The following MICU2 variants were observed in gnomAD, a reference collection of about 807,000 sequenced individuals.
MICU2 encodes mitochondrial calcium uptake 2.
MICU2 carries 64 observed loss-of-function variants against 60.4 expected under a neutral mutation model. The observed-to-expected ratio is 1.06, with a 90% CI of 0.87 to 1.31. MICU2 has a LOEUF of 1.31. Among genes scored for constraint, MICU2 ranks in the 50% most tolerant of loss-of-function variants. MICU2 has a pLI of 0.00. For missense variants in MICU2, 569 were observed against 531.0 expected, an observed-to-expected ratio of 1.07 and a Z score of -0.70; for synonymous variants, 201 against 175.0, an observed-to-expected ratio of 1.15 and a Z score of -1.17.
chr13:21,570,610 C>A (rs1386215933), intron 1 of MICU2, among the ~76,000 whole-genome samples: 3 of 152,192 alleles, frequency 2.0e-5, no homozygotes, highest in Non-Finnish European at 4.4e-5. Context: ...CAACTAAACT[C>A]TTGAAGCATA....
intron 1 of MICU2, among the ~76,000 whole-genome samples, chr13:21,583,743 A>C (rs1392574424): frequency 6.6e-6 from 1 of 152,244 alleles, no homozygotes; most frequent in Non-Finnish European, 1.5e-5. Context: ...CAAGCATTCC[A>C]GAACTTCCCA....
intron 8 of MICU2, 126 bp from the exon 9 acceptor site, chr13:21,503,223 G>T: frequency 1.5e-6 from 1 of 660,844 alleles, no homozygotes; most frequent in Middle Eastern, 4.2e-4. Context: ...TAAGCAGGAT[G>T]AAGCATTAGT....
intron 4 of MICU2, among the ~76,000 whole-genome samples, chr13:21,536,217 T>C (rs1229464698): frequency 5.9e-5 from 9 of 152,072 alleles, no homozygotes; most frequent in East Asian, 1.9e-4. Context: ...TGTACAGAAA[T>C]AGATATTTAT....
chr13:21,522,333 A>T (rs1886738990), intron 5 of MICU2, among the ~76,000 whole-genome samples: 1 of 152,200 alleles, frequency 6.6e-6, no homozygotes, highest in Non-Finnish European at 1.5e-5. Flanking sequence ...AATGTCAGAT[A>T]AGCATTTTTA....
chr13:21,537,868 T>C (rs1482525111), intron 4 of MICU2, among the ~76,000 whole-genome samples: 1 of 152,210 alleles, frequency 6.6e-6, no homozygotes, highest in Admixed American at 6.5e-5. Context: ...CTGCATAAAA[T>C]GCTCATTTGT....
chr13:21,494,162 T>C (rs1199940), intron 11 of MICU2, among the ~76,000 whole-genome samples: 188 of 152,362 alleles, frequency 1.2e-3, no homozygotes, highest in African/African-American at 4.2e-3. Flanking sequence ...TATAAAATAT[T>C]AATATGTTTG....
At chr13:21,506,036 T>C (rs1422174126) in intron 8 of MICU2, among the ~76,000 whole-genome samples, 1 of 152,072 alleles carries the variant, frequency 6.6e-6, no homozygotes, top group African/African-American at 2.4e-5. Context: ...ACTTTTTTTT[T>C]TTTTTGAAGA....
At chr13:21,540,691 T>C (rs548712507) in intron 2 of MICU2, among the ~76,000 whole-genome samples, 2 of 152,288 alleles carry the variant, frequency 1.3e-5, no homozygotes, top group African/African-American at 2.4e-5. Context: ...GTTTGTAAGC[T>C]TAGGTGTTGT....
intron 1 of MICU2, among the ~76,000 whole-genome samples, chr13:21,577,791 C>T (rs1366007332): frequency 6.5e-5 from 8 of 123,474 alleles, no homozygotes; most frequent in Non-Finnish European, 1.1e-4. Context: ...GGTGACAGAG[C>T]GAGACTCGGT....
intron 1 of MICU2, among the ~76,000 whole-genome samples, chr13:21,576,053 G>A (rs1888220966): frequency 6.6e-6 from 1 of 152,224 alleles, no homozygotes; most frequent in Admixed American, 6.5e-5. Flanking sequence ...TGTTAGAGCA[G>A]AAGTATGAAA....
intron 4 of MICU2, among the ~76,000 whole-genome samples, chr13:21,523,319 AG>A (rs1886770895): frequency 6.6e-6 from 1 of 152,240 alleles, no homozygotes; most frequent in African/African-American, 2.4e-5. Context: ...TGACTAATAC[AG>A]AAGAATCGAA....
At chr13:21,521,517 T>C (rs1886717117) in intron 5 of MICU2, among the ~76,000 whole-genome samples, 190 bp from the exon 6 acceptor site, 1 of 152,140 alleles carries the variant, frequency 6.6e-6, no homozygotes, top group Non-Finnish European at 1.5e-5. Flanking sequence ...CCTGCCTTCT[T>C]CAACACTCTT....
intron 1 of MICU2, among the ~76,000 whole-genome samples, chr13:21,603,415 T>C (rs929610701): frequency 1.3e-5 from 2 of 152,238 alleles, no homozygotes; most frequent in African/African-American, 4.8e-5. Flanking sequence ...TTAATTTTTG[T>C]GGCTGACACA....
chr13:21,509,772 T>C (rs780502241), intron 8 of MICU2, among the ~76,000 whole-genome samples: 25 of 152,266 alleles, frequency 1.6e-4, no homozygotes, highest in Non-Finnish European at 3.4e-4. Context: ...AATTATTGTA[T>C]TCTATGAAAC....
At chr13:21,507,120 T>G (rs1481210102) in intron 8 of MICU2, among the ~76,000 whole-genome samples, 3 of 152,198 alleles carry the variant, frequency 2.0e-5, no homozygotes, top group Non-Finnish European at 4.4e-5. Context: ...AGAAAGCTCT[T>G]GAAAAATTTC....
intron 2 of MICU2, among the ~76,000 whole-genome samples, chr13:21,564,313 TGG>T (rs1323667189): frequency 1.3e-5 from 2 of 152,178 alleles, no homozygotes; most frequent in African/African-American, 4.8e-5. Context: ...AGGAATCGGT[TGG>T]GTTTACTGTT....
chr13:21,497,608 G>A (rs1477599531), intron 9 of MICU2, among the ~76,000 whole-genome samples: 1 of 152,042 alleles, frequency 6.6e-6, no homozygotes, highest in Non-Finnish European at 1.5e-5. Flanking sequence ...GACTGAGGAG[G>A]CTTAGGCAGA....
intron 2 of MICU2, among the ~76,000 whole-genome samples, chr13:21,544,141 C>T (rs943685358): frequency 1.3e-5 from 2 of 152,130 alleles, no homozygotes; most frequent in Non-Finnish European, 2.9e-5. Flanking sequence ...CTAACCCCCT[C>T]ACCTTATATA....
At chr13:21,589,629 G>C (rs1389951568) in intron 1 of MICU2, among the ~76,000 whole-genome samples, 1 of 151,840 alleles carries the variant, frequency 6.6e-6, no homozygotes, top group African/African-American at 2.4e-5. Context: ...TCGATTACCT[G>C]CTCCACCCTG....
Sources: gnomAD v4.1 joint callset for allele counts (sites outside exome capture counted in the v4.1 genomes callset) on GRCh38, gnomAD v4.1.1 for gene constraint, MANE v1.5 for transcripts, NCBI Gene and HGNC (gene_info 2026-07-23, HGNC 2026-07-21) for gene names.